Variants in ADGRL2 observed in about 807,000 individuals in gnomAD.
ADGRL2 encodes adhesion G protein-coupled receptor L2.
Under a neutral mutation model 157.4 loss-of-function variants are expected in ADGRL2, and 44 were observed. The observed-to-expected ratio is 0.28, with a 90% CI of 0.22 to 0.36. ADGRL2 has a LOEUF of 0.36. Among genes scored for constraint, ADGRL2 ranks in the 10% least tolerant of loss-of-function variants. ADGRL2 has a pLI of 1.00. For missense variants in ADGRL2, 1,510 were observed against 1,768.9 expected (o/e 0.85, Z 2.63); for synonymous variants, 585 against 624.7 (o/e 0.94, Z 0.95).
intron 3 of ADGRL2, among the ~76,000 whole-genome samples, chr1:81,666,443 A>C (rs1215008212): frequency 1.3e-5 from 2 of 152,210 alleles, no homozygotes; most frequent in African/African-American, 2.4e-5. Flanking sequence ...AAACGTATTG[A>C]TTGGTAACTG....
intron 1 of ADGRL2, among the ~76,000 whole-genome samples, chr1:81,737,177 C>T (rs763275486): frequency 1.4e-4 from 21 of 152,270 alleles, no homozygotes; most frequent in Non-Finnish European, 3.1e-4. Flanking sequence ...AACTAGTAAT[C>T]TTTGTCATTG....
chr1:81,526,951 C>G (rs1434697237), intron 2 of ADGRL2, among the ~76,000 whole-genome samples: 1 of 152,198 alleles, frequency 6.6e-6, no homozygotes, highest in Admixed American at 6.5e-5. Context: ...CCGTTTGGAG[C>G]CACCTCTGGC....
At chr1:81,676,379 G>A (rs1401421639) in intron 3 of ADGRL2, among the ~76,000 whole-genome samples, 2 of 152,054 alleles carry the variant, frequency 1.3e-5, no homozygotes, top group Admixed American at 6.6e-5. Context: ...TACAATCACA[G>A]TCCAACCTCC....
intron 3 of ADGRL2, among the ~76,000 whole-genome samples, chr1:81,931,513 T>C (rs1233614052): frequency 6.6e-6 from 1 of 152,206 alleles, no homozygotes; most frequent in East Asian, 1.9e-4. Context: ...ATTAAATCTT[T>C]GTCTTTGTAT....
chr1:81,390,983 A>T (rs567585229), intron 1 of ADGRL2, among the ~76,000 whole-genome samples: 1 of 152,424 alleles, frequency 6.6e-6, no homozygotes, highest in African/African-American at 2.4e-5. Flanking sequence ...AGATAATTCA[A>T]ATACAAACAC....
Sources: gnomAD v4.1 joint callset for allele counts (sites outside exome capture counted in the v4.1 genomes callset) on GRCh38, gnomAD v4.1.1 for gene constraint, MANE v1.5 for transcripts, NCBI Gene and HGNC (gene_info 2026-07-23, HGNC 2026-07-21) for gene names.